Variants in CA13 observed in about 807,000 individuals in gnomAD.
CA13 encodes the protein CA-XIII.
Under a neutral mutation model 31.5 loss-of-function variants are expected in CA13, and 21 were observed. That is an observed-to-expected ratio of 0.67 (90% CI 0.47 to 0.96). The LOEUF (loss-of-function observed/expected upper bound fraction) is 0.96. CA13 is among the 40% of genes least tolerant of loss of function. The pLI is 0.00. For missense variants in CA13, 315 were observed against 318.9 expected, an observed-to-expected ratio of 0.99 and a Z score of 0.09; for synonymous variants, 117 against 111.4, an observed-to-expected ratio of 1.05 and a Z score of -0.32.
At chr8:85,245,952 T>C in intron 1 of CA13, 87 bp downstream of exon 1, 1 of 1,472,312 alleles carries the variant, frequency 6.8e-7, no homozygotes, top group Non-Finnish European at 9.5e-7. Context: ...GACCACACAC[T>C]GGGCTCGCAC....
chr8:85,257,051 T>C (rs1807311423), intron 2 of CA13, among the ~76,000 whole-genome samples: 1 of 152,194 alleles, frequency 6.6e-6, no homozygotes, highest in South Asian at 2.1e-4. Context: ...GTGCTGTTCA[T>C]GTATCTTTAC....
intron 1 of CA13, among the ~76,000 whole-genome samples, chr8:85,247,619 G>T (rs1192316825): frequency 6.6e-6 from 1 of 152,102 alleles, no homozygotes; most frequent in Admixed American, 6.5e-5. Flanking sequence ...GCCCAGGCTG[G>T]AGTGCAGTGG....
At chr8:85,272,998 A>G (rs1317926079) in intron 6 of CA13, among the ~76,000 whole-genome samples, 1 of 152,060 alleles carries the variant, frequency 6.6e-6, no homozygotes, top group Non-Finnish European at 1.5e-5. Flanking sequence ...TTGTATTTTT[A>G]GTAGAGACAG....
chr8:85,257,976 A>G (rs1807324656), intron 2 of CA13, among the ~76,000 whole-genome samples: 2 of 148,088 alleles, frequency 1.4e-5, no homozygotes, highest in African/African-American at 4.9e-5. Flanking sequence ...ATTAAATATC[A>G]AATATATAAA....
Position 85,250,584 on chromosome 8 carries a change from A to G in CA13, c.38-156A>G, listed in dbSNP as rs111284982. On this transcript the variant is annotated intron_variant, in intron 1 of 6. Transcript: ENST00000321764. ...TAATAAAAACAACTAATCTTGTAAA[A>G]AAAAACAATTAGATGCCAAGGTCCT... Among the ~76,000 whole-genome samples, 1,355 of 152,356 alleles carry G rather than the reference A, an allele frequency of 8.9e-3. 24 individuals are homozygous for G. Among genetic ancestry groups the G allele is most frequent in the African/African-American group, 0.031 (1,299 of 41,582 alleles).
Position 85,259,529 on chromosome 8 carries a change from A to C in CA13, c.344A>C (p.Tyr115Ser). ...GAGCACATAGTAGATGGAGTGAGCT[A>C]TGCTGCAGAGGTAAGCCATAAGACA... ...GSEHIVDGVS[Y>S]AAELHVVHWN... The change falls in exon 3 of 7, where the codon TAT (tyrosine) becomes TCT (serine). Residue 115 changes from tyrosine (Y) to serine (S), a missense_variant. Transcript: ENST00000321764. The C allele has an allele frequency of 1.2e-6, 2 of 1,613,656 alleles. No individual in the cohort carries two copies. The highest frequency in any genetic ancestry group is 1.7e-6 in the Non-Finnish European group (2 of 1,179,562).
rs1366347267 is a variant in CA13 at position 85,281,243 on chromosome 8, G to A, written c.683G>A (p.Arg228His). 12 of 1,612,750 alleles carry A rather than the reference G, an allele frequency of 7.4e-6. No individual in the cohort carries two copies. The highest frequency in any genetic ancestry group is 3.3e-5 in the South Asian group (3 of 90,978). The change falls in exon 7 of 7, where the codon CGC (arginine) becomes CAC (histidine). Residue 228 changes from arginine to histidine, a missense_variant. By Grantham distance (29) the Arg-to-His change is conservative. Transcript: ENST00000321764. ...NISSQQLAKF[R>H]SLLCTAEGEA... is the part of the protein sequence containing the mutation. Reference sequence around the variant, plus strand: ...CTTCTTCTACAGCTGGCCAAATTTCGCAGTCTCCTGTGCACAGCGGAGGGT... The same window carrying A: ...CTTCTTCTACAGCTGGCCAAATTTCACAGTCTCCTGTGCACAGCGGAGGGT...
intron 6 of CA13, among the ~76,000 whole-genome samples, chr8:85,273,061 G>A (rs1807549965): frequency 6.6e-6 from 1 of 152,140 alleles, no homozygotes; most frequent in Non-Finnish European, 1.5e-5. Flanking sequence ...CAAGTGATTT[G>A]CCCGCCTTGG....
chr8:85,258,402 C>G (rs1279617661), intron 2 of CA13, among the ~76,000 whole-genome samples: 1 of 152,106 alleles, frequency 6.6e-6, no homozygotes, highest in African/African-American at 2.4e-5. Context: ...AAAGATATGA[C>G]AGATTTTTGA....
In CA13 at chr8:85,281,470, T is replaced by A. The variant is rs1359358261; in HGVS notation, c.*121T>A. 6.8e-7 allele frequency: 1 copy of A among 1,460,478 alleles called. No individual in the cohort carries two copies. Among genetic ancestry groups the A allele is most frequent in the African/African-American group, 1.4e-5 (1 of 70,604 alleles). The allele number at this position is 1,460,478 out of a possible 1,614,324, so 90.5% of individuals were successfully genotyped here. The stretch of plus-strand genomic sequence containing the variant: ...TTCTAATTTATAGGAAACATTTTAG[T>A]ATGAGCTTCAGTGTCACAAAGAAAA... On this transcript the variant is annotated 3_prime_UTR_variant, in exon 7 of 7. Transcript: ENST00000321764.
chr8:85,268,052 C>T (rs926906033), intron 5 of CA13, 88 bp downstream of exon 5: 2 of 813,454 alleles, frequency 2.5e-6, no homozygotes, highest in Non-Finnish European at 3.8e-6. Flanking sequence ...ACATATGCTG[C>T]CTGCTTTGAA....
At chr8:85,273,939 G>C (rs780082397) in intron 6 of CA13, among the ~76,000 whole-genome samples, 1 of 151,882 alleles carries the variant, frequency 6.6e-6, no homozygotes, top group Non-Finnish European at 1.5e-5. Context: ...ATAGTCTCCT[G>C]TAAACAAGAA....
chr8:85,266,774 A>C, intron 4 of CA13, 71 bp downstream of exon 4: 2 of 1,142,492 alleles, frequency 1.8e-6, no homozygotes, highest in Non-Finnish European at 1.3e-6. Context: ...CGAAGTAGAC[A>C]TTCAACCATC....
chr8:85,269,441 A>C (rs1283677283), intron 6 of CA13, among the ~76,000 whole-genome samples: 1 of 152,176 alleles, frequency 6.6e-6, no homozygotes, highest in Non-Finnish European at 1.5e-5. Flanking sequence ...TTTGTCTCAA[A>C]AAAAATTTTT....
intron 6 of CA13, among the ~76,000 whole-genome samples, chr8:85,276,487 C>T (rs1454951172): frequency 6.6e-6 from 1 of 152,264 alleles, no homozygotes; most frequent in Non-Finnish European, 1.5e-5. Flanking sequence ...GCCAGCTGGG[C>T]TCCTGAGTCT....
At chr8:85,273,544 C>T (rs761462866) in intron 6 of CA13, among the ~76,000 whole-genome samples, 3 of 152,196 alleles carry the variant, frequency 2.0e-5, no homozygotes, top group South Asian at 2.1e-4. Context: ...AGTCCCAAGG[C>T]GCAAGGCCAC....
intron 2 of CA13, among the ~76,000 whole-genome samples, chr8:85,252,622 C>T (rs553066039): frequency 2.0e-5 from 3 of 152,224 alleles, no homozygotes; most frequent in Admixed American, 2.0e-4. Flanking sequence ...AGATTCTGCC[C>T]AAGGTATCAA....
chr8:85,249,542 A>C (rs1813789974), intron 1 of CA13, among the ~76,000 whole-genome samples: 1 of 151,374 alleles, frequency 6.6e-6, no homozygotes, highest in Non-Finnish European at 1.5e-5. Context: ...AAGTTTGTTG[A>C]TGATTGTGAT....
chr8:85,273,652 GTACTA>G (rs1807559750), intron 6 of CA13, among the ~76,000 whole-genome samples: 1 of 151,916 alleles, frequency 6.6e-6, no homozygotes, highest in Admixed American at 6.6e-5. Context: ...GGCCATCCGG[GTACTA>G]TGTAGCAGTC....
Sources: allele counts gnomAD v4.1 joint callset (sites outside exome capture counted in the v4.1 genomes callset), GRCh38; gene constraint gnomAD v4.1.1; transcripts MANE v1.5; gene names NCBI Gene and HGNC (gene_info 2026-07-23, HGNC 2026-07-21).